DACH1: variants seen among roughly 807,000 people sequenced by gnomAD.
DACH1 encodes dachshund homolog 1.
A neutral mutation model predicts 54.2 loss-of-function variants in DACH1; 12 were observed. That is an observed-to-expected ratio of 0.22 (90% CI 0.14 to 0.36). DACH1 has a LOEUF of 0.36. DACH1 is among the 10% of genes least tolerant of loss of function. The pLI is 1.00. For synonymous variants in DACH1, 386 were observed against 366.2 expected, an observed-to-expected ratio of 1.05 and a Z score of -0.62; for missense variants, 805 against 929.8, an observed-to-expected ratio of 0.87 and a Z score of 1.75.
intron 1 of DACH1, among the ~76,000 whole-genome samples, chr13:71,853,152 G>A (rs995561703): frequency 1.1e-4 from 16 of 152,016 alleles, no homozygotes; most frequent in African/African-American, 3.9e-4. Context: ...ATTTCTCTAC[G>A]TGACCACATT....
chr13:71,757,291 T>C (rs1486236453), intron 1 of DACH1, among the ~76,000 whole-genome samples: 1 of 152,096 alleles, frequency 6.6e-6, no homozygotes, highest in Non-Finnish European at 1.5e-5. Context: ...CCATAAGCAC[T>C]AGAACACAAG....
At chr13:71,526,379 A>G (rs1452085158) in intron 6 of DACH1, among the ~76,000 whole-genome samples, 1 of 152,074 alleles carries the variant, frequency 6.6e-6, no homozygotes, top group African/African-American at 2.4e-5. Context: ...TTTTCTTATC[A>G]TATTGTAATG....
At chr13:71,706,838 A>G (rs1481282311) in intron 1 of DACH1, among the ~76,000 whole-genome samples, 5 of 152,154 alleles carry the variant, frequency 3.3e-5, no homozygotes, top group Non-Finnish European at 7.4e-5. Flanking sequence ...TCTATTTCCA[A>G]CTGAATTCTC....
intron 3 of DACH1, among the ~76,000 whole-genome samples, chr13:71,578,829 T>G (rs140610898): frequency 6.6e-6 from 1 of 152,290 alleles, no homozygotes; most frequent in East Asian, 1.9e-4. Flanking sequence ...AGCACATTTA[T>G]CATGTTTGAT....
intron 1 of DACH1, among the ~76,000 whole-genome samples, chr13:71,778,888 C>A (rs1202869881): frequency 6.6e-6 from 1 of 151,800 alleles, no homozygotes; most frequent in Non-Finnish European, 1.5e-5. Flanking sequence ...AAGGCAGATA[C>A]CAGAAAGTTG....
intron 6 of DACH1, among the ~76,000 whole-genome samples, chr13:71,507,582 T>C (rs1880436567): frequency 6.6e-6 from 1 of 152,150 alleles, no homozygotes; most frequent in Admixed American, 6.6e-5. Flanking sequence ...TATTTATGGA[T>C]GAATGCCAAA....
intron 6 of DACH1, among the ~76,000 whole-genome samples, chr13:71,503,267 A>G (rs1032589211): frequency 6.6e-6 from 1 of 152,326 alleles, no homozygotes; most frequent in African/African-American, 2.4e-5. Context: ...AAAAACTGTG[A>G]GGGAAGGAAC....
At chr13:71,514,532 G>C (rs1465492336) in intron 6 of DACH1, among the ~76,000 whole-genome samples, 7 of 151,660 alleles carry the variant, frequency 4.6e-5, no homozygotes, top group Non-Finnish European at 1.0e-4. Context: ...TCATTCAGTT[G>C]ATAAAAAATT....
Position 71,559,889 on chromosome 13 carries a change from G to A in DACH1, c.1366C>T (p.Pro456Ser), listed in dbSNP as rs1157950319. 9 of 1,611,812 alleles carry A rather than the reference G, an allele frequency of 5.6e-6. No individual in the cohort carries two copies. Among genetic ancestry groups the A allele is most frequent in the South Asian group, 1.1e-5 (1 of 90,896 alleles). Reference protein sequence around the residue: ...LEEGRRPGSHPSSHRSSSVSS... With the variant: ...LEEGRRPGSHSSSHRSSSVSS... The stretch of plus-strand genomic sequence containing the variant: ...ACGCTGCTGCTGCGATGTGATGATG[G>A]GTGACTGCCAGGCCTTCTCCCCTCC... Residue 456 changes from proline to serine, a missense_variant, in exon 5 of 11, where the codon CCA becomes TCA. Pro to Ser is a moderately conservative substitution (Grantham distance 74). Transcript: ENST00000613252.
chr13:71,669,616 G>C (rs947058098), intron 2 of DACH1, among the ~76,000 whole-genome samples: 3 of 152,072 alleles, frequency 2.0e-5, no homozygotes, highest in South Asian at 2.1e-4. Flanking sequence ...ACCAGTCCCT[G>C]GTGCCAAAAA....
intron 6 of DACH1, among the ~76,000 whole-genome samples, chr13:71,495,734 A>G (rs1879352981): frequency 6.6e-6 from 1 of 152,136 alleles, no homozygotes; most frequent in Admixed American, 6.6e-5. Flanking sequence ...TACAACCTCT[A>G]TGGAAAACAG....
At chr13:71,657,282 A>G (rs1879174518) in intron 2 of DACH1, among the ~76,000 whole-genome samples, 2 of 152,002 alleles carry the variant, frequency 1.3e-5, no homozygotes, top group Admixed American at 1.3e-4. Flanking sequence ...ATAGTGGCTC[A>G]TTTCTGTAAT....
At chr13:71,843,426 G>C (rs1873013647) in intron 1 of DACH1, among the ~76,000 whole-genome samples, 1 of 151,866 alleles carries the variant, frequency 6.6e-6, no homozygotes, top group African/African-American at 2.4e-5. Context: ...CACCATGCCT[G>C]GCTAATTTTT....
chr13:71,810,995 A>G (rs1030458650), intron 1 of DACH1, among the ~76,000 whole-genome samples: 13 of 151,858 alleles, frequency 8.6e-5, no homozygotes, highest in Admixed American at 8.5e-4. Flanking sequence ...GAACCAGAAC[A>G]TTTTTTTTCA....
chr13:71,530,676 G>GA (rs1348001473), intron 6 of DACH1, among the ~76,000 whole-genome samples: 2 of 150,602 alleles, frequency 1.3e-5, no homozygotes, highest in African/African-American at 4.9e-5. Flanking sequence ...AAGGCAAAAG[G>GA]AAAAAAAAGA....
chr13:71,649,541 G>C (rs1402216458), intron 2 of DACH1, among the ~76,000 whole-genome samples: 1 of 152,078 alleles, frequency 6.6e-6, no homozygotes, highest in Non-Finnish European at 1.5e-5. Context: ...TAGAACATAA[G>C]CAATCCATAT....
chr13:71,620,559 T>A (rs1002477071), intron 3 of DACH1, among the ~76,000 whole-genome samples: 4 of 152,008 alleles, frequency 2.6e-5, no homozygotes, highest in Non-Finnish European at 5.9e-5. Context: ...TCAGATGGCA[T>A]ACTGCCTGAG....
intron 1 of DACH1, among the ~76,000 whole-genome samples, chr13:71,731,986 A>G (rs1883771043): frequency 6.6e-6 from 1 of 152,196 alleles, no homozygotes; most frequent in Non-Finnish European, 1.5e-5. Flanking sequence ...CTGAATGTAA[A>G]CTGCTAAGTA....
chr13:71,507,269 T>G (rs1880411778), intron 6 of DACH1, among the ~76,000 whole-genome samples: 2 of 152,192 alleles, frequency 1.3e-5, no homozygotes, highest in African/African-American at 2.4e-5. Flanking sequence ...TATTCTCTGT[T>G]GTTTATCTTA....
Sources: gnomAD v4.1 joint callset for allele counts (sites outside exome capture counted in the v4.1 genomes callset) on GRCh38, gnomAD v4.1.1 for gene constraint, MANE v1.5 for transcripts, NCBI Gene and HGNC (gene_info 2026-07-23, HGNC 2026-07-21) for gene names.